Variants in PDE5A observed in about 807,000 individuals in gnomAD.
PDE5A encodes the protein phosphodiesterase 5A.
In PDE5A, 67 loss-of-function variants were observed where a neutral mutation model predicts 110.2. That is an observed-to-expected ratio of 0.61 (90% CI 0.50 to 0.75). PDE5A has a LOEUF of 0.75. PDE5A is among the 30% of genes least tolerant of loss of function. PDE5A has a pLI of 0.00. For missense variants in PDE5A, 862 were observed against 1,045.1 expected, an observed-to-expected ratio of 0.82 and a Z score of 2.42; for synonymous variants, 328 against 351.2, an observed-to-expected ratio of 0.93 and a Z score of 0.74.
chr4:119,600,709 T>C (rs184311259), intron 2 of PDE5A, among the ~76,000 whole-genome samples: 20 of 152,260 alleles, frequency 1.3e-4, no homozygotes, highest in Admixed American at 1.3e-3. Context: ...CCATAATTGA[T>C]GTGAATGCAT....
chr4:119,571,955 G>A (rs1179161093), intron 3 of PDE5A, among the ~76,000 whole-genome samples: 6 of 152,134 alleles, frequency 3.9e-5, no homozygotes, highest in Non-Finnish European at 8.8e-5. Context: ...CCCATCTACA[G>A]AATAAAAATT....
chr4:119,590,056 C>T (rs1182655493), intron 3 of PDE5A, among the ~76,000 whole-genome samples: 1 of 152,176 alleles, frequency 6.6e-6, no homozygotes, highest in Non-Finnish European at 1.5e-5. Context: ...ATGCTCTTCT[C>T]TCTATTATGA....
chr4:119,618,002 C>T (rs1362678661), intron 1 of PDE5A, among the ~76,000 whole-genome samples: 2 of 152,090 alleles, frequency 1.3e-5, no homozygotes, highest in African/African-American at 4.8e-5. Context: ...AGTTAGAAAC[C>T]TCATGACATT....
At chr4:119,558,176 G>A (rs544362416) in intron 7 of PDE5A, among the ~76,000 whole-genome samples, 2 of 152,216 alleles carry the variant, frequency 1.3e-5, no homozygotes, top group East Asian at 1.9e-4. Context: ...GCCTCCCTTT[G>A]GAAATTCCTG....
At chr4:119,562,608 G>C (rs1196241591) in intron 6 of PDE5A, among the ~76,000 whole-genome samples, 1 of 151,916 alleles carries the variant, frequency 6.6e-6, no homozygotes, top group Non-Finnish European at 1.5e-5. Flanking sequence ...GTTGGGATGG[G>C]GACATGAACA....
chr4:119,582,162 A>G (rs1283193772), intron 3 of PDE5A, among the ~76,000 whole-genome samples: 2 of 152,344 alleles, frequency 1.3e-5, no homozygotes, highest in Non-Finnish European at 2.9e-5. Context: ...ATTGGAGTCA[A>G]TCTTTTCAAG....
intron 11 of PDE5A, among the ~76,000 whole-genome samples, chr4:119,527,813 A>G (rs944865936): frequency 6.6e-6 from 1 of 151,258 alleles, no homozygotes; most frequent in Non-Finnish European, 1.5e-5. Context: ...GAGTCTGTAA[A>G]ACAATAAGGT....
At chr4:119,507,367 T>C (rs896016926) in intron 16 of PDE5A, among the ~76,000 whole-genome samples, 2 of 151,936 alleles carry the variant, frequency 1.3e-5, no homozygotes, top group Admixed American at 6.6e-5. Flanking sequence ...GATTTGTATA[T>C]AGTTTCAGAG....
At position 119,627,233 on chromosome 4, in the gene PDE5A, G is replaced by A. The variant is rs1730384184; in HGVS notation, c.152+1287C>T. 1 of 1,608,412 alleles carries A rather than the reference G, an allele frequency of 6.2e-7. No homozygotes were observed. Among genetic ancestry groups the A allele is most frequent in the Non-Finnish European group, 8.5e-7 (1 of 1,177,084 alleles). On this transcript the variant is annotated intron_variant, in intron 1 of 20. Transcript: ENST00000354960. The surrounding 1 kb of genome is among the most constrained non-coding windows in gnomAD (Gnocchi z 4.6). Reference sequence around the variant, plus strand: ...CCGATCCTGGACTCCAGGAGGCTCCGTAGGGGCAACAACGCGCGCAGGTGA... The same window carrying A: ...CCGATCCTGGACTCCAGGAGGCTCCATAGGGGCAACAACGCGCGCAGGTGA...
At chr4:119,582,838 T>C (rs994971328) in intron 3 of PDE5A, among the ~76,000 whole-genome samples, 1 of 152,224 alleles carries the variant, frequency 6.6e-6, no homozygotes, top group Non-Finnish European at 1.5e-5. Flanking sequence ...TAGGTCTCAA[T>C]AGTAGGCTTA....
intron 14 of PDE5A, among the ~76,000 whole-genome samples, chr4:119,518,574 G>T (rs1725997616): frequency 6.6e-6 from 1 of 152,142 alleles, no homozygotes; most frequent in South Asian, 2.1e-4. Context: ...TACAGATCAG[G>T]ACATAACGGT....
At chr4:119,509,636 T>C (rs1479336514) in intron 15 of PDE5A, among the ~76,000 whole-genome samples, 1 of 152,048 alleles carries the variant, frequency 6.6e-6, no homozygotes, top group East Asian at 1.9e-4. Flanking sequence ...ACGTCTATAG[T>C]ATACTGATAC....
At chr4:119,524,622 A>C (rs1284333077) in intron 12 of PDE5A, among the ~76,000 whole-genome samples, 1 of 152,182 alleles carries the variant, frequency 6.6e-6, no homozygotes, top group Non-Finnish European at 1.5e-5. Context: ...GGGACAACTC[A>C]TCGCTGAAAT....
At chr4:119,584,776 T>C (rs1728700059) in intron 3 of PDE5A, among the ~76,000 whole-genome samples, 1 of 152,164 alleles carries the variant, frequency 6.6e-6, no homozygotes, top group Non-Finnish European at 1.5e-5. Flanking sequence ...ACTTCCCTCC[T>C]TCTAGTGGAT....
chr4:119,595,912 G>C (rs1729136765), intron 3 of PDE5A, among the ~76,000 whole-genome samples: 1 of 152,140 alleles, frequency 6.6e-6, no homozygotes. Flanking sequence ...ACACAGTCAG[G>C]ATTGAGAATG....
At chr4:119,598,779 T>C (rs1987179) in intron 2 of PDE5A, among the ~76,000 whole-genome samples, 117,971 of 152,142 alleles carry the variant, frequency 0.78, 45,901 homozygotes, top group East Asian at 0.89. Context: ...TGAAACAGAA[T>C]TGAATGGAGC....
intron 13 of PDE5A, 124 bp downstream of exon 13, chr4:119,520,811 G>C: frequency 1.3e-6 from 1 of 778,256 alleles, no homozygotes. Context: ...AACTTATTAT[G>C]TAAGTGGCAG....
chr4:119,553,970 T>A (rs1458641979), intron 7 of PDE5A, among the ~76,000 whole-genome samples: 1 of 152,160 alleles, frequency 6.6e-6, no homozygotes, highest in Non-Finnish European at 1.5e-5. Context: ...CCAACAAGTT[T>A]TATAAGTGTG....
At chr4:119,574,611 G>A (rs1728264675) in intron 3 of PDE5A, among the ~76,000 whole-genome samples, 1 of 147,114 alleles carries the variant, frequency 6.8e-6, no homozygotes. Flanking sequence ...TTTCATCAAA[G>A]GGAATGGAAC....
Sources: gnomAD v4.1 joint callset for allele counts (sites outside exome capture counted in the v4.1 genomes callset) on GRCh38, gnomAD v4.1.1 for gene constraint, Gnocchi (gnomAD v3.1) non-coding constraint, MANE v1.5 for transcripts, NCBI Gene and HGNC (gene_info 2026-07-23, HGNC 2026-07-21) for gene names.